The following AGPAT4 variants were observed in gnomAD, a reference collection of about 807,000 sequenced individuals.
AGPAT4 encodes 1-acylglycerol-3-phosphate O-acyltransferase 4, also known as 1-acyl-sn-glycerol-3-phosphate acyltransferase delta.
A neutral mutation model predicts 48.0 loss-of-function variants in AGPAT4; 15 were observed. That is an observed-to-expected ratio of 0.31 (90% CI 0.21 to 0.48). The LOEUF (loss-of-function observed/expected upper bound fraction) is 0.48. AGPAT4 is among the 20% of genes least tolerant of loss of function. The probability of loss-of-function intolerance (pLI) is 0.99; values close to 1 mark genes in which losing one functional copy is unlikely to be tolerated. For synonymous variants in AGPAT4, 178 were observed against 198.7 expected (o/e 0.90, Z 0.88); for missense variants, 314 against 482.5 (o/e 0.65, Z 3.27).
At chr6:161,265,097 A>G (rs1783212323) in intron 1 of AGPAT4, among the ~76,000 whole-genome samples, 1 of 152,074 alleles carries the variant, frequency 6.6e-6, no homozygotes, top group Non-Finnish European at 1.5e-5. Context: ...CCACTGCTGG[A>G]CTGGGTGGTG....
chr6:161,133,333 A>T lies in AGPAT4; in HGVS notation c.*3207T>A, dbSNP rs1778963108. ...ATTAGAAAAACCCTAATGTTTTAAA[A>T]TTTTTTTAATCATCAGCTGCTTTTA... is the stretch of plus-strand genomic sequence containing the variant. On this transcript the variant is annotated 3_prime_UTR_variant, in exon 9 of 9. Transcript: ENST00000320285. 1 of 152,170 alleles carries T rather than the reference A, an allele frequency of 6.6e-6. No homozygotes were observed. Among genetic ancestry groups the T allele is most frequent in the Admixed American group, 6.5e-5 (1 of 15,282 alleles). The allele number at this position is 152,170 out of a possible 1,614,324, so 9.4% of individuals were successfully genotyped here.
rs1782541768 is a variant in AGPAT4 at position 161,243,104 on chromosome 6, CA to C, written c.-89-10803del. The stretch of plus-strand genomic sequence containing the variant: ...AATTTAAAAAAAAATGAAACTTTTT[CA>C]AACATGGAAAGAAGGCAGAATGCAT... On this transcript the variant is annotated intron_variant, in intron 1 of 8. Coordinates refer to ENST00000320285, the MANE Select transcript of AGPAT4 (RefSeq NM_020133.3). This position sits in a 1 kb window ranked among gnomAD's most constrained non-coding sequence, Gnocchi z 4.8. Among the ~76,000 whole-genome samples the C allele has an allele frequency of 6.6e-6, 1 of 151,946 alleles. No homozygotes were observed. The highest frequency in any genetic ancestry group is 1.5e-5 in the Non-Finnish European group (1 of 67,988).
In AGPAT4 at chr6:161,219,370, A is replaced by T. The variant is rs1186221234; in HGVS notation, c.178+12666T>A. The stretch of plus-strand genomic sequence containing the variant: ...CCAGACATTTATGATATGATAGAAT[A>T]TGATGGCATGATACGAGATGAGATA... On this transcript the variant is annotated intron_variant, in intron 2 of 8. Coordinates refer to ENST00000320285, the MANE Select transcript of AGPAT4 (RefSeq NM_020133.3). This position sits in a 1 kb window ranked among gnomAD's most constrained non-coding sequence, Gnocchi z 4.9. Among the ~76,000 whole-genome samples, 1 of 152,120 alleles carries T rather than the reference A, an allele frequency of 6.6e-6. No individual in the cohort carries two copies.
intron 3 of AGPAT4, among the ~76,000 whole-genome samples, chr6:161,162,354 C>T (rs1312461580): frequency 2.0e-5 from 3 of 152,220 alleles, no homozygotes; most frequent in African/African-American, 4.8e-5. Context: ...AGGTCTCTCC[C>T]GGGTCCCGGT....
intron 2 of AGPAT4, among the ~76,000 whole-genome samples, chr6:161,179,611 CT>C (rs1780530016): frequency 6.6e-6 from 1 of 152,166 alleles, no homozygotes; most frequent in Non-Finnish European, 1.5e-5. Context: ...CATTGGTCCA[CT>C]TATATACAGA....
At chr6:161,248,228 C>T (rs1354380998) in intron 1 of AGPAT4, among the ~76,000 whole-genome samples, 1 of 151,936 alleles carries the variant, frequency 6.6e-6, no homozygotes, top group Non-Finnish European at 1.5e-5. Context: ...CAACAATAGA[C>T]AAGCCAAGAA....
rs1036845487 is a variant in AGPAT4 at position 161,229,239 on chromosome 6, G to A, written c.178+2797C>T. On this transcript the variant is annotated intron_variant, in intron 2 of 8. Transcript: ENST00000320285. The surrounding 1 kb of genome is among the most constrained non-coding windows in gnomAD (Gnocchi z 6.0). ...TCTCAAGGAAACATTTTTTTCTGCC[G>A]TTTCCTTAGAAAATCAGCTGCAAAT... 4.6e-5 allele frequency among the ~76,000 whole-genome samples: 7 copies of A among 152,012 alleles called. No individual in the cohort carries two copies. Among genetic ancestry groups the A allele is most frequent in the East Asian group, 1.9e-4 (1 of 5,188 alleles).
At position 161,142,446 on chromosome 6, in the gene AGPAT4, T is replaced by C. The variant is rs543498538; in HGVS notation, c.844-2826A>G. 1.8e-4 allele frequency among the ~76,000 whole-genome samples: 28 copies of C among 152,108 alleles called. No homozygotes were observed. The highest frequency in any genetic ancestry group is 3.2e-4 in the Non-Finnish European group (22 of 68,022). Reference sequence around the variant, plus strand: ...AGTTGGAACTGGGAAATGTAGTTATTGAATGAAGGAGAGTTGGTTTGTTTC... The same window carrying C: ...AGTTGGAACTGGGAAATGTAGTTATCGAATGAAGGAGAGTTGGTTTGTTTC... On this transcript the variant is annotated intron_variant, in intron 7 of 8. Transcript: ENST00000320285. The surrounding 1 kb of genome is among the most constrained non-coding windows in gnomAD (Gnocchi z 6.4).
chr6:161,263,465 T>C (rs1228402965), intron 1 of AGPAT4, among the ~76,000 whole-genome samples: 3 of 152,092 alleles, frequency 2.0e-5, no homozygotes, highest in African/African-American at 7.2e-5. Flanking sequence ...CACTCTGGCC[T>C]GGACAACAGA....
rs1466959561 is a variant in AGPAT4 at position 161,155,390 on chromosome 6, G to A, written c.349-1080C>T. On this transcript the variant is annotated intron_variant, in intron 3 of 8. Coordinates refer to ENST00000320285, the MANE Select transcript of AGPAT4 (RefSeq NM_020133.3). The surrounding 1 kb of genome is among the most constrained non-coding windows in gnomAD (Gnocchi z 5.8). ...GCGGTCAGGGCAGCCCTAAACCTAG[G>A]ATGCCCACAGCGCAGAGAGCTCCGG... Among the ~76,000 whole-genome samples the A allele has an allele frequency of 6.6e-6, 1 of 152,170 alleles. No individual in the cohort carries two copies. Among genetic ancestry groups the A allele is most frequent in the Non-Finnish European group, 1.5e-5 (1 of 68,018 alleles).
chr6:161,181,521 T>C (rs1773778914), intron 2 of AGPAT4, among the ~76,000 whole-genome samples: 1 of 147,796 alleles, frequency 6.8e-6, no homozygotes, highest in Non-Finnish European at 1.5e-5. Context: ...GGGGGGCGCT[T>C]CCTAACTGCC....
At chr6:161,252,398 G>C (rs757015923) in intron 1 of AGPAT4, among the ~76,000 whole-genome samples, 1 of 152,174 alleles carries the variant, frequency 6.6e-6, no homozygotes, top group East Asian at 1.9e-4. Context: ...TTTAGGTTAT[G>C]AGCTCCTTCA....
rs1427109463 is a variant in AGPAT4, at chr6:161,234,818, T to A, written c.-89-2516A>T. ...GACATCGGAAATGCAGGGGGTTAAA[T>A]GCTGCCTTCTTCAGTGTCCAGTTCA... On this transcript the variant is annotated intron_variant, in intron 1 of 8. Coordinates refer to ENST00000320285, the MANE Select transcript of AGPAT4 (RefSeq NM_020133.3). This position sits in a 1 kb window ranked among gnomAD's most constrained non-coding sequence, Gnocchi z 4.4. Among the ~76,000 whole-genome samples, 3 of 152,088 alleles carry A rather than the reference T, an allele frequency of 2.0e-5. No homozygotes were observed.
rs183013800 is a variant in AGPAT4, at chr6:161,244,908, A to C, written c.-89-12606T>G. On this transcript the variant is annotated intron_variant, in intron 1 of 8. Transcript: ENST00000320285. The surrounding 1 kb of genome is among the most constrained non-coding windows in gnomAD (Gnocchi z 4.7). The stretch of plus-strand genomic sequence containing the variant: ...CCCAGGCCTGGGGAGTCCCAGTGTC[A>C]GAGACAGGCTATCTCAGAAAACCAA... Among the ~76,000 whole-genome samples the C allele has an allele frequency of 1.3e-5, 2 of 152,222 alleles. No individual in the cohort carries two copies. Among genetic ancestry groups the C allele is most frequent in the Non-Finnish European group, 2.9e-5 (2 of 68,036 alleles).
At position 161,147,104 on chromosome 6, in the gene AGPAT4, T is replaced by G. The variant is rs900952254; in HGVS notation, c.768-505A>C. On this transcript the variant is annotated intron_variant, in intron 6 of 8. Coordinates refer to ENST00000320285, the MANE Select transcript of AGPAT4 (RefSeq NM_020133.3). This position sits in a 1 kb window ranked among gnomAD's most constrained non-coding sequence, Gnocchi z 4.8. ...CCTCTTGGTTAGCCTTGAGGCAGAC[T>G]TTCTGCAAAGGTTTTGACAAGTCAG... 3.3e-5 allele frequency among the ~76,000 whole-genome samples: 5 copies of G among 152,210 alleles called. No homozygotes were observed. The highest frequency in any genetic ancestry group is 7.3e-5 in the Non-Finnish European group (5 of 68,036).
rs1191361235 is a variant in AGPAT4 at position 161,215,585 on chromosome 6, G to A, written c.178+16451C>T. On this transcript the variant is annotated intron_variant, in intron 2 of 8. Coordinates refer to ENST00000320285, the MANE Select transcript of AGPAT4 (RefSeq NM_020133.3). The surrounding 1 kb of genome is among the most constrained non-coding windows in gnomAD (Gnocchi z 4.5). ...TTTAAATGTATAACAAGCTCTTTTT[G>A]AACCTAAAACATTCTAGTCTTTATA... Among the ~76,000 whole-genome samples, 1 of 151,772 alleles carries A rather than the reference G, an allele frequency of 6.6e-6. No homozygotes were observed. The highest frequency in any genetic ancestry group is 1.5e-5 in the Non-Finnish European group (1 of 67,970).
chr6:161,186,740 T>C (rs528164660), intron 2 of AGPAT4, among the ~76,000 whole-genome samples: 114 of 152,234 alleles, frequency 7.5e-4, no homozygotes, highest in Non-Finnish European at 1.3e-3. Flanking sequence ...CCCACCGCAC[T>C]TCCTGAGCTA....
chr6:161,179,022 C>T (rs568863068), intron 2 of AGPAT4, among the ~76,000 whole-genome samples: 1 of 152,340 alleles, frequency 6.6e-6, no homozygotes, highest in African/African-American at 2.4e-5. Context: ...TAGGTGACCT[C>T]TGCAAAGCCC....
At chr6:161,256,359 C>G (rs1782943449) in intron 1 of AGPAT4, among the ~76,000 whole-genome samples, 1 of 152,186 alleles carries the variant, frequency 6.6e-6, no homozygotes, top group Non-Finnish European at 1.5e-5. Context: ...AGGCTTTGTG[C>G]CTAAGATTGG....
Sources: allele counts gnomAD v4.1 joint callset (sites outside exome capture counted in the v4.1 genomes callset), GRCh38; gene constraint gnomAD v4.1.1; non-coding constraint Gnocchi (gnomAD v3.1); transcripts MANE v1.5; gene names NCBI Gene and HGNC (gene_info 2026-07-23, HGNC 2026-07-21).